PIGN: variants seen among roughly 807,000 people sequenced by gnomAD.
The protein encoded by PIGN is phosphatidylinositol glycan anchor biosynthesis class N, also known as GPI ethanolamine phosphate transferase 1.
PIGN carries 117 observed loss-of-function variants against 125.4 expected under a neutral mutation model. The ratio of observed to expected loss-of-function variants is 0.93; its 90% CI spans 0.80 to 1.09. PIGN has a LOEUF of 1.09. Ranked by LOEUF, PIGN falls within the 50% of genes least tolerant of loss-of-function variation. The probability of loss-of-function intolerance (pLI) is 0.00; values close to 1 mark genes in which losing one functional copy is unlikely to be tolerated. For missense variants in PIGN, 1,075 were observed against 1,094.9 expected, an observed-to-expected ratio of 0.98 and a Z score of 0.26; for synonymous variants, 392 against 377.8, an observed-to-expected ratio of 1.04 and a Z score of -0.44.
At chr18:62,098,885 T>A (rs916802077) in intron 22 of PIGN, among the ~76,000 whole-genome samples, 52 of 151,836 alleles carry the variant, frequency 3.4e-4, no homozygotes, top group Non-Finnish European at 5.7e-4. Context: ...AAAACAATAA[T>A]CAAATCAATA....
chr18:62,130,120 C>A (rs2035678382), intron 14 of PIGN, among the ~76,000 whole-genome samples: 1 of 152,152 alleles, frequency 6.6e-6, no homozygotes, highest in South Asian at 2.1e-4. Flanking sequence ...AGATTCTACT[C>A]TAAGCCTTTG....
At chr18:62,169,456 CTTCTTATTTTT>C (rs2037271402) in intron 1 of PIGN, among the ~76,000 whole-genome samples, 1 of 136,728 alleles carries the variant, frequency 7.3e-6, no homozygotes, top group South Asian at 2.5e-4. Context: ...TTCATTTCTT[CTTCTTATTTTT>C]TTATTATTTT....
chr18:62,027,718 G>A (rs2030141880), intron 23 of PIGN, among the ~76,000 whole-genome samples: 1 of 152,054 alleles, frequency 6.6e-6, no homozygotes, highest in Non-Finnish European at 1.5e-5. Flanking sequence ...AGCAATTTTG[G>A]GTCGCCAAGA....
At position 62,105,540 on chromosome 18, in the gene PIGN, T is replaced by G. The variant is rs2034603657; in HGVS notation, c.1859+3A>C. 1 of 1,480,088 alleles carries G rather than the reference T, an allele frequency of 6.8e-7. No homozygotes were observed. Among genetic ancestry groups the G allele is most frequent in the South Asian group, 1.2e-5 (1 of 82,308 alleles). The allele number at this position is 1,480,088 out of a possible 1,614,324, so 91.7% of individuals were successfully genotyped here. The stretch of plus-strand genomic sequence containing the variant: ...ATAGAATAAAATACAATATTATTCA[T>G]ACACTAGAGAGATGTCTGGCTTTCG... On this transcript the variant is annotated splice_donor_region_variant and intron_variant, in intron 20 of 30. Transcript: ENST00000640252.
At chr18:62,115,852 C>T (rs1472791620) in intron 14 of PIGN, among the ~76,000 whole-genome samples, 2 of 152,130 alleles carry the variant, frequency 1.3e-5, no homozygotes, top group Admixed American at 6.5e-5. Flanking sequence ...GTGGTTCATG[C>T]TTGTAGTCCC....
chr18:62,149,476 T>G (rs1488568490), intron 7 of PIGN, among the ~76,000 whole-genome samples: 2 of 152,166 alleles, frequency 1.3e-5, no homozygotes, highest in African/African-American at 4.8e-5. Context: ...TATAATTTGT[T>G]CTATGGCTGG....
intron 30 of PIGN, among the ~76,000 whole-genome samples, chr18:62,066,155 A>G (rs1016134066): frequency 3.3e-5 from 5 of 152,218 alleles, no homozygotes; most frequent in Admixed American, 6.5e-5. Flanking sequence ...GACATTTACT[A>G]CTTGTTTCTG....
intron 28 of PIGN, among the ~76,000 whole-genome samples, chr18:62,077,724 T>G (rs553405295): frequency 1.7e-3 from 265 of 152,312 alleles, no homozygotes; most frequent in Non-Finnish European, 2.9e-3. Context: ...ACAAAAGCTT[T>G]AAATGAAATT....
At chr18:62,038,477 G>A (rs2030291592), downstream of PIGN, among the ~76,000 whole-genome samples, 1 of 152,098 alleles carries the variant, frequency 6.6e-6, no homozygotes, top group South Asian at 2.1e-4. Flanking sequence ...GTGTGGGTTG[G>A]ATGTGCACCC....
chr18:62,088,534 A>G (rs777008174), intron 25 of PIGN: 2 of 270,030 alleles, frequency 7.4e-6, no homozygotes, highest in Non-Finnish European at 1.4e-5. Context: ...AATGGCTAAT[A>G]TCTGAATAGC....
intron 27 of PIGN, among the ~76,000 whole-genome samples, chr18:62,082,978 C>T (rs2033521834): frequency 6.6e-6 from 1 of 152,026 alleles, no homozygotes; most frequent in African/African-American, 2.4e-5. Context: ...AGACAGCAAA[C>T]ATCAATACAT....
chr18:62,182,931 G>T (rs912651385), intron 1 of PIGN, among the ~76,000 whole-genome samples: 4 of 152,200 alleles, frequency 2.6e-5, no homozygotes, highest in Admixed American at 1.3e-4. Context: ...GTAACCAGAG[G>T]CTGGGGTAGT....
At chr18:62,059,521 G>A (rs181731174) in intron 30 of PIGN, among the ~76,000 whole-genome samples, 3 of 152,194 alleles carry the variant, frequency 2.0e-5, no homozygotes, top group Admixed American at 2.0e-4. Context: ...CCAAAAAAAA[G>A]TTACACTAAC....
chr18:62,120,814 G>A (rs1397533348), intron 14 of PIGN, among the ~76,000 whole-genome samples: 3 of 151,790 alleles, frequency 2.0e-5, no homozygotes, highest in Admixed American at 2.0e-4. Context: ...ACATAAAACA[G>A]ATGGGATAAA....
chr18:62,160,125 A>C (rs1246620885), intron 4 of PIGN, among the ~76,000 whole-genome samples: 1 of 152,208 alleles, frequency 6.6e-6, no homozygotes, highest in East Asian at 1.9e-4. Context: ...AAAAAAGAAA[A>C]AGAAAAAGAA....
At chr18:62,184,422 A>C (rs1172948808) in intron 1 of PIGN, 2 of 152,204 alleles carry the variant, frequency 1.3e-5, no homozygotes, top group East Asian at 3.8e-4. Context: ...CATTATTATA[A>C]GTAGTGATCG....
Position 62,105,555 on chromosome 18 carries a change from T to A in PIGN, c.1847A>T (p.Asp616Val). The A allele has an allele frequency of 6.5e-7, 1 of 1,540,214 alleles. No homozygotes were observed. Among genetic ancestry groups the A allele is most frequent in the Non-Finnish European group, 8.8e-7 (1 of 1,135,944 alleles). ...ATATTATTCATACACTAGAGAGATG[T>A]CTGGCTTTCGACCTACAACCGGCAT... ...PLMPVVGRKP[D>V]ISLVMGAGLL... is the part of the protein sequence containing the mutation. Residue 616 changes from aspartate (D) to valine (V), a missense_variant, in exon 20 of 31, where the codon GAC becomes GTC. By Grantham distance (152) the Asp-to-Val change is radical. This residue lies in a region of PIGN where 915 missense variants were observed against 908.7 expected (regional missense o/e 1.01). Transcript: ENST00000640252.
At chr18:62,135,858 A>G (rs1599603345) in intron 14 of PIGN, 2 of 151,872 alleles carry the variant, frequency 1.3e-5, no homozygotes, top group South Asian at 4.2e-4. Context: ...CAGCCTTTCT[A>G]AAGTGGCTGG....
intron 30 of PIGN, among the ~76,000 whole-genome samples, chr18:62,069,168 T>C (rs1400740768): frequency 6.6e-6 from 1 of 152,226 alleles, no homozygotes; most frequent in Non-Finnish European, 1.5e-5. Flanking sequence ...TTACTGGTAA[T>C]AAGAGTAAAC....
Sources: gnomAD v4.1 joint callset for allele counts (sites outside exome capture counted in the v4.1 genomes callset) on GRCh38, gnomAD v4.1.1 for gene constraint, gnomAD v4.1.1 regional missense constraint, MANE v1.5 for transcripts, NCBI Gene and HGNC (gene_info 2026-07-23, HGNC 2026-07-21) for gene names.